KCNQ5: variants seen among roughly 807,000 people sequenced by gnomAD.
The protein encoded by KCNQ5 is potassium voltage-gated channel subfamily Q member 5, also known as potassium voltage-gated channel subfamily KQT member 5.
Under a neutral mutation model 98.2 loss-of-function variants are expected in KCNQ5, and 30 were observed. The observed-to-expected ratio is 0.31, with a 90% CI of 0.23 to 0.41. The LOEUF is 0.41. Among genes scored for constraint, KCNQ5 ranks in the 10% least tolerant of loss-of-function variants. KCNQ5 has a pLI of 1.00. For synonymous variants in KCNQ5, 458 were observed against 449.4 expected, an observed-to-expected ratio of 1.02 and a Z score of -0.24; for missense variants, 835 against 1,182.5, an observed-to-expected ratio of 0.71 and a Z score of 4.31.
intron 1 of KCNQ5, among the ~76,000 whole-genome samples, chr6:72,959,245 T>C (rs1767224914): frequency 6.6e-6 from 1 of 152,228 alleles, no homozygotes. Context: ...CTAAATGCTG[T>C]GCCTGGGAAT....
At chr6:73,069,509 C>A (rs1773212610) in intron 3 of KCNQ5, among the ~76,000 whole-genome samples, 1 of 151,770 alleles carries the variant, frequency 6.6e-6, no homozygotes, top group African/African-American at 2.4e-5. Context: ...ATGTACGGAG[C>A]TAGTCACTGA....
At chr6:73,090,158 A>G (rs889760163) in intron 5 of KCNQ5, among the ~76,000 whole-genome samples, 1 of 152,082 alleles carries the variant, frequency 6.6e-6, no homozygotes, top group African/African-American at 2.4e-5. Flanking sequence ...TTCCCTGATC[A>G]TTAGCGATGT....
At chr6:73,191,792 C>T (rs1765599585) in intron 12 of KCNQ5, among the ~76,000 whole-genome samples, 1 of 152,150 alleles carries the variant, frequency 6.6e-6, no homozygotes, top group East Asian at 1.9e-4. Context: ...AATTAGATGT[C>T]ATGGCAGGAA....
At chr6:73,121,300 T>C (rs1477970024) in intron 8 of KCNQ5, among the ~76,000 whole-genome samples, 1 of 150,542 alleles carries the variant, frequency 6.6e-6, no homozygotes, top group African/African-American at 2.5e-5. Flanking sequence ...AAGGACATTA[T>C]GGACAGTCCT....
At chr6:73,076,259 A>G (rs997405439) in intron 3 of KCNQ5, among the ~76,000 whole-genome samples, 1 of 152,230 alleles carries the variant, frequency 6.6e-6, no homozygotes, top group Non-Finnish European at 1.5e-5. Flanking sequence ...AATCCAGAGG[A>G]TGACAGAAAC....
chr6:72,912,399 C>T lies in KCNQ5; in HGVS notation c.399-91509C>T, dbSNP rs530635967. ...TTCACCTTCTTGTTAATCCAGGGTC[C>T]TCCTTGCTTAGTGTCAGAGCTGTTT... is the stretch of plus-strand genomic sequence containing the variant. On this transcript the variant is annotated intron_variant, in intron 1 of 13. Coordinates refer to ENST00000370398, the MANE Select transcript of KCNQ5 (RefSeq NM_019842.4). 3.3e-5 allele frequency among the ~76,000 whole-genome samples: 5 copies of T among 152,268 alleles called. No individual in the cohort carries two copies. In the East Asian group the frequency reaches 9.6e-4, roughly 29 times the overall value.
intron 1 of KCNQ5, among the ~76,000 whole-genome samples, chr6:72,888,198 A>G (rs1478331979): frequency 6.6e-6 from 1 of 152,198 alleles, no homozygotes; most frequent in Non-Finnish European, 1.5e-5. Flanking sequence ...AAGAAGTAGA[A>G]GGTAAGTTAA....
At chr6:73,133,750 C>A (rs1776339055) in intron 10 of KCNQ5, 109 bp downstream of exon 10, 2 of 931,266 alleles carry the variant, frequency 2.1e-6, no homozygotes, top group Admixed American at 2.3e-5. Context: ...GAAAACAACC[C>A]CAGAGAAAGA....
chr6:72,651,117 A>G (rs532830230), intron 1 of KCNQ5, among the ~76,000 whole-genome samples: 1 of 152,140 alleles, frequency 6.6e-6, no homozygotes, highest in South Asian at 2.1e-4. Context: ...GTTCTTATAT[A>G]TTTGTTCATA....
At chr6:72,900,811 C>T (rs2150194035) in intron 1 of KCNQ5, among the ~76,000 whole-genome samples, 2 of 152,020 alleles carry the variant, frequency 1.3e-5, no homozygotes, top group African/African-American at 4.8e-5. Flanking sequence ...CACGCCAACA[C>T]CTACTGTTTT....
chr6:72,743,563 T>C (rs778150408), intron 1 of KCNQ5, among the ~76,000 whole-genome samples: 1 of 152,206 alleles, frequency 6.6e-6, no homozygotes, highest in Admixed American at 6.5e-5. Context: ...GTAGTGACCA[T>C]ACCAAGATTA....
At chr6:73,046,600 T>C (rs928785268) in intron 3 of KCNQ5, among the ~76,000 whole-genome samples, 2 of 147,510 alleles carry the variant, frequency 1.4e-5, no homozygotes, top group South Asian at 2.2e-4. Context: ...TTTACTTTAC[T>C]TTATTTTATT....
At chr6:72,821,998 T>C (rs1041148742) in intron 1 of KCNQ5, among the ~76,000 whole-genome samples, 4 of 152,178 alleles carry the variant, frequency 2.6e-5, no homozygotes, top group Non-Finnish European at 5.9e-5. Context: ...GCATCCTCTC[T>C]GTGACTCTCA....
At chr6:72,862,099 G>A (rs986582976) in intron 1 of KCNQ5, among the ~76,000 whole-genome samples, 1 of 152,166 alleles carries the variant, frequency 6.6e-6, no homozygotes, top group African/African-American at 2.4e-5. Flanking sequence ...CCACAGGCAA[G>A]TTAACTGACT....
In KCNQ5 at chr6:73,195,129, G is replaced by C. The variant is rs775803570; in HGVS notation, c.2514G>C (p.Ser838=). 6.2e-7 allele frequency: 1 copy of C among 1,614,108 alleles called. No homozygotes were observed. Among genetic ancestry groups the C allele is most frequent in the Admixed American group, 1.7e-5 (1 of 60,030 alleles). ...KSLSVQNLIR[S]TEELNIQLSG... is the part of the protein sequence containing the mutation. ...TGTCTGTGCAAAACCTGATCAGGTC[G>C]ACCGAGGAACTGAATATACAACTTT... The change falls in exon 14 of 14, where the codon TCG becomes TCC. Residue 838 remains serine, a synonymous_variant. Coordinates refer to ENST00000370398, the MANE Select transcript of KCNQ5 (RefSeq NM_019842.4).
intron 1 of KCNQ5, among the ~76,000 whole-genome samples, chr6:72,882,145 A>T (rs1778655864): frequency 6.6e-6 from 1 of 152,250 alleles, no homozygotes; most frequent in Non-Finnish European, 1.5e-5. Context: ...TTGATTTTTT[A>T]AATGAACAGA....
At chr6:72,977,378 G>A (rs554505723) in intron 1 of KCNQ5, among the ~76,000 whole-genome samples, 1 of 152,114 alleles carries the variant, frequency 6.6e-6, no homozygotes, top group Non-Finnish European at 1.5e-5. Context: ...ATATTGTGCA[G>A]GAAACAGAAA....
At chr6:72,723,204 A>G (rs957682259) in intron 1 of KCNQ5, among the ~76,000 whole-genome samples, 1 of 152,140 alleles carries the variant, frequency 6.6e-6, no homozygotes, top group East Asian at 1.9e-4. Context: ...ATTTACTGGA[A>G]TGTGGAAAGA....
chr6:73,189,981 G>A (rs1765526534), intron 11 of KCNQ5, among the ~76,000 whole-genome samples: 2 of 145,330 alleles, frequency 1.4e-5, no homozygotes, highest in African/African-American at 2.6e-5. Context: ...GGGCAACACA[G>A]TGAGACCTCA....
Sources: allele counts gnomAD v4.1 joint callset (sites outside exome capture counted in the v4.1 genomes callset), GRCh38; gene constraint gnomAD v4.1.1; transcripts MANE v1.5; gene names NCBI Gene and HGNC (gene_info 2026-07-23, HGNC 2026-07-21).